The following SHD variants were observed in gnomAD, a reference collection of about 807,000 sequenced individuals.
SHD encodes SH2 domain-containing adapter protein D.
SHD carries 29 observed loss-of-function variants against 31.2 expected under a neutral mutation model. That is an observed-to-expected ratio of 0.93 (90% CI 0.69 to 1.27). The LOEUF (loss-of-function observed/expected upper bound fraction) is 1.27, where lower values mean the gene tolerates loss of function less well. Ranked by LOEUF, SHD falls within the 50% of genes most tolerant of loss-of-function variation. SHD has a pLI of 0.00. For missense variants in SHD, 520 were observed against 453.8 expected, an observed-to-expected ratio of 1.15 and a Z score of -1.33; for synonymous variants, 208 against 187.8, an observed-to-expected ratio of 1.11 and a Z score of -0.88.
intron 1 of SHD, 152 bp downstream of exon 1, chr19:4,280,512 G>A: frequency 1.2e-6 from 1 of 821,652 alleles, no homozygotes; most frequent in Non-Finnish European, 1.8e-6. Flanking sequence ...CACCTGCTTG[G>A]GGAAGTCTGT....
intron 5 of SHD, among the ~76,000 whole-genome samples, chr19:4,289,727 C>G (rs1432861976): frequency 6.6e-6 from 1 of 151,160 alleles, no homozygotes; most frequent in African/African-American, 2.4e-5. Flanking sequence ...CCCACCACCA[C>G]ACCCAGCTAA....
At position 4,288,261 on chromosome 19, in the gene SHD, G is replaced by A. The variant is rs200878149; in HGVS notation, c.735G>A (p.Leu245=). Residue 245 remains leucine (L), a synonymous_variant, in exon 5 of 6, where the codon CTG becomes CTA. Coordinates refer to ENST00000543264, the MANE Select transcript of SHD (RefSeq NM_020209.4). Reference sequence around the variant, plus strand: ...TCGCTAGGTGGTTTCATGGCCCCCTGAACAGGGCGGATGCAGAGAGCCTCC... The same window carrying A: ...TCGCTAGGTGGTTTCATGGCCCCCTAAACAGGGCGGATGCAGAGAGCCTCC... ...LEKQPWFHGP[L]NRADAESLLS... is the part of the protein sequence containing the mutation. The A allele has an allele frequency of 6.0e-5, 97 of 1,613,756 alleles. No homozygotes were observed. In the Admixed American group the frequency reaches 1.6e-3, roughly 27 times the overall value.
In SHD at chr19:4,290,640, C is replaced by G; in HGVS notation, c.*7C>G. The G allele has an allele frequency of 1.3e-6, 2 of 1,580,240 alleles. No homozygotes were observed. Among genetic ancestry groups the G allele is most frequent in the Non-Finnish European group, 1.7e-6 (2 of 1,160,142 alleles). On this transcript the variant is annotated 3_prime_UTR_variant, in exon 6 of 6. Transcript: ENST00000543264. ...GGTCACGCAGACCCCCTGACAGTGACCCTCGGCCCCCTTTTGAGTCCTCGG... is the reference window on the plus strand; with the variant it reads ...GGTCACGCAGACCCCCTGACAGTGAGCCTCGGCCCCCTTTTGAGTCCTCGG...
rs771837349 is a variant in SHD at position 4,280,364 on chromosome 19, C to T, written c.297+4C>T. 26 of 1,557,000 alleles carry T rather than the reference C, an allele frequency of 1.7e-5. No individual in the cohort carries two copies. The highest frequency in any genetic ancestry group is 2.2e-5 in the Non-Finnish European group (25 of 1,150,168). ...TCTGGGCGGCCCCGGGGAGGAGGTG[C>T]GTGGCTGGGTGGCCTGGGGAGACTG... On this transcript the variant is annotated splice_donor_region_variant and intron_variant, in intron 1 of 5. Coordinates refer to ENST00000543264, the MANE Select transcript of SHD (RefSeq NM_020209.4).
rs1971341991 is a variant in SHD, at chr19:4,288,327, T to G, written c.801T>G (p.Ser267Arg). ...AAGGCAGCTACCTAGTGCGGCTCAGTGAGACCAACCCCCAGGACTGCTCCT... is the reference window on the plus strand; with the variant it reads ...AAGGCAGCTACCTAGTGCGGCTCAGGGAGACCAACCCCCAGGACTGCTCCT... ...CKEGSYLVRLSETNPQDCSLS... is the reference protein window; with the variant it reads ...CKEGSYLVRLRETNPQDCSLS... The change falls in exon 5 of 6, where the codon AGT becomes AGG. Residue 267 changes from serine to arginine, a missense_variant. Transcript: ENST00000543264. 2 of 1,613,696 alleles carry G rather than the reference T, an allele frequency of 1.2e-6. No individual in the cohort carries two copies. Among genetic ancestry groups the G allele is most frequent in the African/African-American group, 2.7e-5 (2 of 74,902 alleles).
In SHD at chr19:4,290,641, C is replaced by T. The variant is rs1311246005; in HGVS notation, c.*8C>T. 1.3e-6 allele frequency: 2 copies of T among 1,580,302 alleles called. No homozygotes were observed. The highest frequency in any genetic ancestry group is 1.4e-5 in the African/African-American group (1 of 74,032). ...GTCACGCAGACCCCCTGACAGTGAC[C>T]CTCGGCCCCCTTTTGAGTCCTCGGG... On this transcript the variant is annotated 3_prime_UTR_variant, in exon 6 of 6. Coordinates refer to ENST00000543264, the MANE Select transcript of SHD (RefSeq NM_020209.4).
chr19:4,290,692 C>G lies in SHD; in HGVS notation c.*59C>G. 1 of 1,477,220 alleles carries G rather than the reference C, an allele frequency of 6.8e-7. No individual in the cohort carries two copies. Among genetic ancestry groups the G allele is most frequent in the Non-Finnish European group, 9.1e-7 (1 of 1,100,516 alleles). 91.5% of individuals were successfully genotyped at this position (1,477,220 alleles called of 1,614,324 possible). ...CCCAGAATCGTATCCCAAAGCCCTC[C>G]CATGGCCTAGAAAATAAATAAGTTA... On this transcript the variant is annotated 3_prime_UTR_variant, in exon 6 of 6. Transcript: ENST00000543264.
chr19:4,282,368 C>T lies in SHD; in HGVS notation c.298-502C>T, dbSNP rs192112973. On this transcript the variant is annotated intron_variant, in intron 1 of 5. Transcript: ENST00000543264. The stretch of plus-strand genomic sequence containing the variant: ...CCGGGAGTCGGAGGTTGCAGTGAGC[C>T]GAGATCACACCACTGCACTGTAGCC... Among the ~76,000 whole-genome samples the T allele has an allele frequency of 4.5e-3, 689 of 151,584 alleles. 12 individuals are homozygous for T. The highest frequency in any genetic ancestry group is 0.016 in the African/African-American group (657 of 41,304).
intron 4 of SHD, among the ~76,000 whole-genome samples, chr19:4,286,671 G>A (rs752401950): frequency 2.0e-5 from 3 of 151,542 alleles, no homozygotes; most frequent in South Asian, 4.2e-4. Context: ...AGGCCGGGGT[G>A]GGCAGATCAT....
intron 1 of SHD, among the ~76,000 whole-genome samples, chr19:4,281,653 G>A (rs1299222387): frequency 1.3e-5 from 2 of 152,052 alleles, no homozygotes; most frequent in Non-Finnish European, 1.5e-5. Flanking sequence ...AGCTACTCCT[G>A]AGGCTGAGGC....
intron 4 of SHD, among the ~76,000 whole-genome samples, chr19:4,286,517 C>A (rs1468100446): frequency 6.6e-6 from 1 of 151,966 alleles, no homozygotes; most frequent in Non-Finnish European, 1.5e-5. Flanking sequence ...TTTCAGATTT[C>A]TTTCATTGTG....
rs1315424682 is a variant in SHD at position 4,283,243 on chromosome 19, G to C, written c.592+1G>C. 1 of 1,610,486 alleles carries C rather than the reference G, an allele frequency of 6.2e-7. No individual in the cohort carries two copies. The highest frequency in any genetic ancestry group is 8.5e-7 in the Non-Finnish European group (1 of 1,177,098). On this transcript the variant is annotated splice_donor_variant, in intron 3 of 5. Transcript: ENST00000543264. LOFTEE classifies it high-confidence loss of function. Reference sequence around the variant, plus strand: ...GACCACATCTCCAGGGCGTTTGCAGGTGCTTCTCAGACCCACACTCTGACA... The same window carrying C: ...GACCACATCTCCAGGGCGTTTGCAGCTGCTTCTCAGACCCACACTCTGACA...
Position 4,280,160 on chromosome 19 carries a change from G to C in SHD, c.97G>C (p.Ala33Pro), listed in dbSNP as rs1307900028. 1 of 1,613,806 alleles carries C rather than the reference G, an allele frequency of 6.2e-7. No homozygotes were observed. The highest frequency in any genetic ancestry group is 2.2e-5 in the East Asian group (1 of 44,834). The change falls in exon 1 of 6, where the codon GCC becomes CCC. Residue 33 changes from alanine (A) to proline (P), a missense_variant. Coordinates refer to ENST00000543264, the MANE Select transcript of SHD (RefSeq NM_020209.4). ...CTACACCGAGAGCGACATCCTGAGG[G>C]CCTACCGCGCGCAGAAGAACCTGGA... ...PDYTESDILR[A>P]YRAQKNLDFE...
intron 4 of SHD, 137 bp from the exon 5 acceptor site, chr19:4,288,106 T>G: frequency 9.9e-7 from 1 of 1,011,494 alleles, no homozygotes; most frequent in East Asian, 2.8e-5. Flanking sequence ...GGTTTCACCA[T>G]GTTAGGGAGA....
intron 3 of SHD, among the ~76,000 whole-genome samples, chr19:4,283,567 T>G (rs1971278714): frequency 6.6e-6 from 1 of 151,708 alleles, no homozygotes; most frequent in African/African-American, 2.4e-5. Context: ...TTTTATTTTA[T>G]TTTATTTTAT....
In SHD at chr19:4,282,952, A is replaced by G. The variant is rs761289833; in HGVS notation, c.380A>G (p.Tyr127Cys). The G allele has an allele frequency of 1.2e-6, 2 of 1,614,036 alleles. No homozygotes were observed. The highest frequency in any genetic ancestry group is 1.1e-5 in the South Asian group (1 of 91,074). ...CCGGATGATGGGTACATGGAGCCCT[A>G]CGATGCCCAATGGGTCATGAGTGGT... ...APPDDGYMEP[Y>C]DAQWVMSELP... is the part of the protein sequence containing the mutation. Residue 127 changes from tyrosine to cysteine, a missense_variant, in exon 2 of 6, where the codon TAC becomes TGC. Transcript: ENST00000543264.
chr19:4,288,190 G>C, intron 4 of SHD, 53 bp from the exon 5 acceptor site: 6 of 1,578,462 alleles, frequency 3.8e-6, no homozygotes, highest in South Asian at 1.1e-5. Context: ...CAGGGCCCCA[G>C]AGTGTGTTTG....
In SHD at chr19:4,290,673, A is replaced by G; in HGVS notation, c.*40A>G. 1.3e-6 allele frequency: 2 copies of G among 1,537,498 alleles called. No individual in the cohort carries two copies. Among genetic ancestry groups the G allele is most frequent in the Non-Finnish European group, 1.8e-6 (2 of 1,139,446 alleles). On this transcript the variant is annotated 3_prime_UTR_variant, in exon 6 of 6. Coordinates refer to ENST00000543264, the MANE Select transcript of SHD (RefSeq NM_020209.4). ...CCCCTTTTGAGTCCTCGGGCCCAGA[A>G]TCGTATCCCAAAGCCCTCCCATGGC... is the stretch of plus-strand genomic sequence containing the variant.
At position 4,284,837 on chromosome 19, in the gene SHD, A is replaced by G. The variant is rs766179975; in HGVS notation, c.649A>G (p.Arg217Gly). Residue 217 changes from arginine (R) to glycine (G), a missense_variant, in exon 4 of 6, where the codon AGA becomes GGA. By Grantham distance (125) the Arg-to-Gly change is moderately radical. Coordinates refer to ENST00000543264, the MANE Select transcript of SHD (RefSeq NM_020209.4). Reference sequence around the variant, plus strand: ...TCCAGGCTCAGCCAAGGAGCTCCGGAGACCTCCGCCCAGAAGCCCCCAGCC... The same window carrying G: ...TCCAGGCTCAGCCAAGGAGCTCCGGGGACCTCCGCCCAGAAGCCCCCAGCC... ...RTPGSAKELRRPPPRSPQPAE... is the reference protein window; with the variant it reads ...RTPGSAKELRGPPPRSPQPAE... The G allele has an allele frequency of 3.0e-5, 49 of 1,613,066 alleles. 2 individuals are homozygous for G. In the South Asian group the frequency reaches 5.3e-4, roughly 17 times the overall value.
Sources: gnomAD v4.1 joint callset for allele counts (sites outside exome capture counted in the v4.1 genomes callset) on GRCh38, gnomAD v4.1.1 for gene constraint, MANE v1.5 for transcripts, NCBI Gene and HGNC (gene_info 2026-07-23, HGNC 2026-07-21) for gene names.